Variants in MARCHF10 observed in about 807,000 individuals in gnomAD.
The protein encoded by MARCHF10 is probable E3 ubiquitin-protein ligase MARCHF10.
MARCHF10 carries 64 observed loss-of-function variants against 76.2 expected under a neutral mutation model. The ratio of observed to expected loss-of-function variants is 0.84; its 90% CI spans 0.69 to 1.03. MARCHF10 has a LOEUF of 1.03. Ranked by LOEUF, MARCHF10 falls within the 50% of genes least tolerant of loss-of-function variation. MARCHF10 has a pLI of 0.00. For synonymous variants in MARCHF10, 340 were observed against 357.5 expected, an observed-to-expected ratio of 0.95 and a Z score of 0.55; for missense variants, 875 against 958.0, an observed-to-expected ratio of 0.91 and a Z score of 1.14.
intron 3 of MARCHF10, among the ~76,000 whole-genome samples, chr17:62,769,597 A>T (rs2092403298): frequency 6.6e-6 from 1 of 152,104 alleles, no homozygotes; most frequent in Admixed American, 6.6e-5. Flanking sequence ...TATTTTTAGT[A>T]GAGACAGGGT....
Position 62,711,161 on chromosome 17 carries a change from C to T in MARCHF10, c.2328+70G>A, listed in dbSNP as rs981080306. On this transcript the variant is annotated intron_variant, in intron 9 of 10. Coordinates refer to ENST00000311269, the MANE Select transcript of MARCHF10 (RefSeq NM_152598.4). The surrounding 1 kb of genome is among the most constrained non-coding windows in gnomAD (Gnocchi z 4.4). ...ACCGTGAGGACCTCAACAGCTTGCACATCTAATAAACAGCACTGCAGGGTT... is the reference window on the plus strand; with the variant it reads ...ACCGTGAGGACCTCAACAGCTTGCATATCTAATAAACAGCACTGCAGGGTT... 10 of 1,275,774 alleles carry T rather than the reference C, an allele frequency of 7.8e-6. No individual in the cohort carries two copies. The highest frequency in any genetic ancestry group is 1.1e-5 in the Non-Finnish European group (10 of 876,930). 79.0% of individuals were successfully genotyped at this position (1,275,774 alleles called of 1,614,324 possible).
chr17:62,745,644 C>T (rs1392003004), intron 4 of MARCHF10, among the ~76,000 whole-genome samples: 1 of 152,206 alleles, frequency 6.6e-6, no homozygotes, highest in Non-Finnish European at 1.5e-5. Context: ...TCTTTCCTGT[C>T]CCCTACCCTC....
At chr17:62,785,932 G>A (rs572714886) in intron 3 of MARCHF10, among the ~76,000 whole-genome samples, 2 of 152,292 alleles carry the variant, frequency 1.3e-5, no homozygotes, top group Admixed American at 1.3e-4. Context: ...GTTGGTGAGA[G>A]TGTAAATTAG....
In MARCHF10 at chr17:62,701,646, G is replaced by A. The variant is rs376657500; in HGVS notation, c.*57C>T. 3.3e-3 allele frequency: 5,358 copies of A among 1,612,880 alleles called. 14 individuals are homozygous for A. The highest frequency in any genetic ancestry group is 4.0e-3 in the Non-Finnish European group (4,701 of 1,179,780). ...AGGAGGGAGGGAGGCACTTGGGGAC[G>A]TAGAAAGAAGGGCTGGCGGGAGAGG... On this transcript the variant is annotated 3_prime_UTR_variant, in exon 11 of 11. Coordinates refer to ENST00000311269, the MANE Select transcript of MARCHF10 (RefSeq NM_152598.4).
chr17:62,763,269 G>C (rs1244843259), intron 3 of MARCHF10, among the ~76,000 whole-genome samples: 1 of 152,178 alleles, frequency 6.6e-6, no homozygotes. Flanking sequence ...AAAGTCCCCA[G>C]TGAAAAATCC....
intron 4 of MARCHF10, among the ~76,000 whole-genome samples, chr17:62,747,233 G>C (rs969794050): frequency 6.6e-6 from 1 of 152,128 alleles, no homozygotes; most frequent in Non-Finnish European, 1.5e-5. Context: ...CAACTACAGG[G>C]GAACTTCAAA....
intron 2 of MARCHF10, among the ~76,000 whole-genome samples, chr17:62,801,283 C>A (rs557029821): frequency 6.6e-6 from 1 of 151,994 alleles, no homozygotes. Context: ...CTCAGCCTCC[C>A]GAGTAGCTGG....
chr17:62,751,674 A>G (rs1161595389), intron 4 of MARCHF10, among the ~76,000 whole-genome samples: 1 of 152,206 alleles, frequency 6.6e-6, no homozygotes, highest in African/African-American at 2.4e-5. Context: ...GAGATGCTGC[A>G]GCTAAAATCA....
chr17:62,701,565 T>C lies in MARCHF10; in HGVS notation c.*138A>G. The stretch of plus-strand genomic sequence containing the variant: ...GCTCAAGCCAGACCCCAAAAGAGAG[T>C]GGCACGAGGTGAAAATCTAACTGTG... On this transcript the variant is annotated 3_prime_UTR_variant, in exon 11 of 11. Transcript: ENST00000311269. 4 of 1,560,182 alleles carry C rather than the reference T, an allele frequency of 2.6e-6. No homozygotes were observed. In the South Asian group the frequency reaches 3.5e-5, roughly 14 times the overall value.
rs146475502 is a variant in MARCHF10, at chr17:62,777,648, C to T, written c.210+10832G>A. On this transcript the variant is annotated intron_variant, in intron 3 of 10. Coordinates refer to ENST00000311269, the MANE Select transcript of MARCHF10 (RefSeq NM_152598.4). ...GCACGAGAATCACTTGAACCTGAATCGCTTGCAGTGAACCGAGATCCTGCC... is the reference window on the plus strand; with the variant it reads ...GCACGAGAATCACTTGAACCTGAATTGCTTGCAGTGAACCGAGATCCTGCC... Among the ~76,000 whole-genome samples, 872 of 134,742 alleles carry T rather than the reference C, an allele frequency of 6.5e-3. 6 individuals carry two copies. The highest frequency in any genetic ancestry group is 0.022 in the African/African-American group (816 of 37,680). 88.4% of individuals were successfully genotyped at this position (134,742 alleles called of 152,430 possible). A position where few individuals can be genotyped will look rare whatever the true frequency, so the allele number is the denominator to read the frequency against.
At chr17:62,744,570 G>A (rs2091636497) in intron 4 of MARCHF10, 42 bp from the exon 5 acceptor site, 1 of 1,606,620 alleles carries the variant, frequency 6.2e-7, no homozygotes, top group African/African-American at 1.3e-5. Flanking sequence ...TTTGTTTACA[G>A]GAAAATGTCT....
intron 1 of MARCHF10, among the ~76,000 whole-genome samples, chr17:62,805,909 A>T (rs79508713): frequency 8.6e-4 from 31 of 35,924 alleles, no homozygotes; most frequent in Admixed American, 2.7e-4. Flanking sequence ...CCTCAAAAAT[A>T]AAAAAAAATA....
chr17:62,800,902 A>T (rs915778497), intron 2 of MARCHF10, among the ~76,000 whole-genome samples: 1 of 152,122 alleles, frequency 6.6e-6, no homozygotes, highest in Non-Finnish European at 1.5e-5. Flanking sequence ...GCTCATTGTA[A>T]AATGTGCAAA....
In MARCHF10 at chr17:62,737,124, C is replaced by T. The variant is rs1185346138; in HGVS notation, c.744G>A (p.Leu248=). Reference sequence around the variant, plus strand: ...TGAGTGGTGGCCCCGAGAACTCACTCAATACTTGAGGACTATTTTTTCCTT... The same window carrying T: ...TGAGTGGTGGCCCCGAGAACTCACTTAATACTTGAGGACTATTTTTTCCTT... The part of the protein sequence containing the change: ...AFQGKNSPQV[L]SEFSGPPLTP... The change falls in exon 6 of 11, where the codon TTG becomes TTA. Residue 248 remains leucine (L), a synonymous_variant. Transcript: ENST00000311269. 4 of 1,614,106 alleles carry T rather than the reference C, an allele frequency of 2.5e-6. No individual in the cohort carries two copies. The South Asian group carries it at 3.3e-5, about 13-fold the overall frequency.
At chr17:62,705,170 G>A in intron 10 of MARCHF10, 1 of 1,193,384 alleles carries the variant, frequency 8.4e-7, no homozygotes, top group Non-Finnish European at 1.0e-6. Flanking sequence ...GCTTGGGGAG[G>A]GTTTTCCTAG....
intron 4 of MARCHF10, among the ~76,000 whole-genome samples, chr17:62,746,260 T>C (rs1352764042): frequency 6.6e-6 from 1 of 152,084 alleles, no homozygotes; most frequent in Non-Finnish European, 1.5e-5. Context: ...GGGAACTTAC[T>C]AGAAGAGGGA....
rs2090748099 is a variant in MARCHF10 at position 62,726,180 on chromosome 17, T to G, written c.1938-1076A>C. On this transcript the variant is annotated intron_variant, in intron 6 of 10. Coordinates refer to ENST00000311269, the MANE Select transcript of MARCHF10 (RefSeq NM_152598.4). ...AGTAAAGATATTTGTGTCTAATAAA[T>G]GGTGAGTGAAGAATAGCTGGTCGAT... 2 of 152,198 alleles carry G rather than the reference T, an allele frequency of 1.3e-5. 1 individual carries two copies. The highest frequency in any genetic ancestry group is 4.1e-4 in the South Asian group (2 of 4,828). 9.4% of individuals were successfully genotyped at this position (152,198 alleles called of 1,614,324 possible).
intron 5 of MARCHF10, among the ~76,000 whole-genome samples, chr17:62,743,592 G>A (rs964115449): frequency 3.3e-5 from 5 of 152,116 alleles, no homozygotes; most frequent in East Asian, 1.9e-4. Context: ...GCAGTGAGTC[G>A]AGCTGGTGCC....
chr17:62,702,572 A>G (rs902246625), intron 10 of MARCHF10, among the ~76,000 whole-genome samples: 1 of 152,200 alleles, frequency 6.6e-6, no homozygotes, highest in East Asian at 1.9e-4. Context: ...AGGTTGAGGC[A>G]GGAGAATCGC....
Sources: gnomAD v4.1 joint callset for allele counts (sites outside exome capture counted in the v4.1 genomes callset) on GRCh38, gnomAD v4.1.1 for gene constraint, Gnocchi (gnomAD v3.1) non-coding constraint, MANE v1.5 for transcripts, NCBI Gene and HGNC (gene_info 2026-07-23, HGNC 2026-07-21) for gene names.